Variants in YY1AP1 observed in about 807,000 individuals in gnomAD.
YY1AP1 encodes the protein YY1 associated protein 1, also known as YY1-associated protein 1.
Under a neutral mutation model 39.9 loss-of-function variants are expected in YY1AP1, and 43 were observed. The observed-to-expected ratio is 1.08, with a 90% CI of 0.84 to 1.39. YY1AP1 has a LOEUF of 1.39. YY1AP1 is among the 40% of genes most tolerant of loss of function. The pLI is 0.00. For synonymous variants in YY1AP1, 292 were observed against 331.3 expected (o/e 0.88, Z 1.29); for missense variants, 813 against 900.7 (o/e 0.90, Z 1.25).
At chr1:155,668,567 G>T in intron 9 of YY1AP1, 60 bp downstream of exon 9, 1 of 1,611,766 alleles carries the variant, frequency 6.2e-7, no homozygotes, top group Admixed American at 1.7e-5. Context: ...AGAATAACAA[G>T]AGAAAAGAAC....
intron 2 of YY1AP1, among the ~76,000 whole-genome samples, chr1:155,683,674 C>CA (rs199848137): frequency 0.014 from 2,113 of 151,432 alleles, 19 homozygotes; most frequent in Middle Eastern, 0.092. Context: ...CAAAACAAAA[C>CA]AAAAAAAACA....
At chr1:155,667,851 T>G (rs1231856058) in intron 9 of YY1AP1, among the ~76,000 whole-genome samples, 1 of 151,026 alleles carries the variant, frequency 6.6e-6, no homozygotes, top group African/African-American at 2.4e-5. Flanking sequence ...TAAAAAGAGT[T>G]GAGAAAAAGT....
Position 155,688,763 on chromosome 1 carries a change from C to T in YY1AP1, c.-256G>A, listed in dbSNP as rs1653161550. ...GCCGCCAAAGCAGCCGCCGCCAGCACCCCCACCCTACACTCCTCGCGCGTG... is the reference window on the plus strand; with the variant it reads ...GCCGCCAAAGCAGCCGCCGCCAGCATCCCCACCCTACACTCCTCGCGCGTG... On this transcript the variant is annotated 5_prime_UTR_variant, in exon 1 of 11. In the 5' UTR this introduces an upstream ATG that the reference lacks. Coordinates refer to ENST00000355499, the MANE Select transcript of YY1AP1 (RefSeq NM_139119.3). The T allele has an allele frequency of 6.5e-7, 1 of 1,527,182 alleles. No individual in the cohort carries two copies. The highest frequency in any genetic ancestry group is 8.8e-7 in the Non-Finnish European group (1 of 1,141,294). The allele number at this position is 1,527,182 out of a possible 1,614,324, so 94.6% of individuals were successfully genotyped here.
In YY1AP1 at chr1:155,670,326, T is replaced by A. The variant is rs762744525; in HGVS notation, c.722A>T (p.Glu241Val). ...PQDKILFTKA[E>V]DNLLALGLKH... ...CCCCAGAGTAAACACTTACTTGTCC[T>A]CAGCCTTGGTGAAGAGGATCTTATC... The change falls in exon 8 of 11, where the codon GAG becomes GTG. Residue 241 changes from glutamate to valine, a missense_variant. Transcript: ENST00000355499. The A allele has an allele frequency of 6.8e-6, 11 of 1,612,106 alleles. No homozygotes were observed.
chr1:155,675,856 TCA>T (rs1650575262), intron 5 of YY1AP1, among the ~76,000 whole-genome samples: 1 of 152,158 alleles, frequency 6.6e-6, no homozygotes. Context: ...CATAAATTTC[TCA>T]GACATGTTCC....
At chr1:155,662,983 C>T (rs1325406015) in intron 9 of YY1AP1, among the ~76,000 whole-genome samples, 1 of 151,214 alleles carries the variant, frequency 6.6e-6, no homozygotes, top group Non-Finnish European at 1.5e-5. Context: ...CCAGCCTGGG[C>T]AACAGAGCAA....
At chr1:155,688,980 AC>A, upstream of YY1AP1, 1 of 1,606,998 alleles carries the variant, frequency 6.2e-7, no homozygotes, top group South Asian at 1.1e-5. Flanking sequence ...CCTCCATGGG[AC>A]CGCGGCGAGG....
intron 2 of YY1AP1, among the ~76,000 whole-genome samples, chr1:155,683,906 ACAGGAGGATGGCTTGAGGC>A (rs1198536585): frequency 6.6e-6 from 1 of 152,108 alleles, no homozygotes; most frequent in African/African-American, 2.4e-5. Flanking sequence ...GGAGGCCAAG[ACAGGAGGATGGCTTGAGGC>A]CAGGAGTTCA....
rs1214961254 is a variant in YY1AP1, at chr1:155,660,808, C to A, written c.1102G>T (p.Glu368Ter). Residue 368 changes from glutamate (E) to a stop codon, truncating the protein, a stop_gained, in exon 11 of 11, where the codon GAA becomes TAA. Transcript: ENST00000355499. LOFTEE classifies it low-confidence loss of function (END_TRUNC). The stretch of plus-strand genomic sequence containing the variant: ...CTCCCCAACTCTGAGTTGTCTTTTT[C>A]TAGGCCTTGATCTGAGTTGATCTCA... ...TTEINSDQGL[E>*]KDNSELGSET... 1 of 1,614,230 alleles carries A rather than the reference C, an allele frequency of 6.2e-7. No individual in the cohort carries two copies. Among genetic ancestry groups the A allele is most frequent in the Non-Finnish European group, 8.5e-7 (1 of 1,180,032 alleles).
rs753122806 is a variant in YY1AP1 at position 155,660,957 on chromosome 1, T to G, written c.997-44A>C. ...CTCTGATCCAGCACATGTCAGAATT[T>G]GGGAAAAAGAATAGGACTTTCTAAG... is the stretch of plus-strand genomic sequence containing the variant. On this transcript the variant is annotated intron_variant, in intron 10 of 10. Coordinates refer to ENST00000355499, the MANE Select transcript of YY1AP1 (RefSeq NM_139119.3). The G allele has an allele frequency of 6.3e-5, 101 of 1,613,230 alleles. No individual in the cohort carries two copies. The Middle Eastern group carries it at 6.6e-4, about 11-fold the overall frequency.
intron 10 of YY1AP1, 146 bp from the exon 11 acceptor site, chr1:155,661,059 A>G: frequency 6.7e-7 from 1 of 1,487,684 alleles, no homozygotes; most frequent in Non-Finnish European, 9.1e-7. Flanking sequence ...ACCACAGTCC[A>G]ATTATACACT....
rs1438887284 is a variant in YY1AP1 at position 155,668,360 on chromosome 1, C to T, written c.879+267G>A. On this transcript the variant is annotated intron_variant, in intron 9 of 10. Transcript: ENST00000355499. ...CCCAAAGCATGTAAGTGGAATACTG[C>T]ATATCATTTCTAGAAAGTTCAAGAA... is the stretch of plus-strand genomic sequence containing the variant. 3.9e-5 allele frequency among the ~76,000 whole-genome samples: 6 copies of T among 152,202 alleles called. No individual in the cohort carries two copies. In the East Asian group the frequency reaches 9.6e-4, roughly 24 times the overall value.
intron 5 of YY1AP1, among the ~76,000 whole-genome samples, chr1:155,675,507 G>A (rs1340225762): frequency 6.6e-6 from 1 of 151,878 alleles, no homozygotes; most frequent in African/African-American, 2.4e-5. Context: ...TTTTGTTTTC[G>A]TAGAGACGGG....
intron 1 of YY1AP1, 161 bp downstream of exon 1, chr1:155,688,498 G>A: frequency 6.5e-7 from 1 of 1,548,756 alleles, no homozygotes; most frequent in Non-Finnish European, 8.7e-7. Flanking sequence ...GCGTACGAGT[G>A]TCTACGGGCT....
In YY1AP1 at chr1:155,659,769, G is replaced by A. The variant is rs372287277; in HGVS notation, c.2141C>T (p.Pro714Leu). The A allele has an allele frequency of 6.8e-6, 11 of 1,614,088 alleles. No individual in the cohort carries two copies. Among genetic ancestry groups the A allele is most frequent in the South Asian group, 4.4e-5 (4 of 91,084 alleles). ...AGACTCCTGGATGCCCTGAGGGAGC[G>A]GCTCCAGAGCTTGCCTTCCCTCCTC... The part of the protein sequence containing the change: ...KTEEGRQALE[P>L]LPQGIQESLN... Residue 714 changes from proline to leucine, a missense_variant, in exon 11 of 11, where the codon CCG becomes CTG. Physicochemically the swap from Pro to Leu is moderately conservative, Grantham distance 98. Coordinates refer to ENST00000355499, the MANE Select transcript of YY1AP1 (RefSeq NM_139119.3).
At chr1:155,668,558 G>C (rs1437833253) in intron 9 of YY1AP1, 69 bp downstream of exon 9, 3 of 1,609,510 alleles carry the variant, frequency 1.9e-6, no homozygotes, top group Non-Finnish European at 2.5e-6. Flanking sequence ...TTTTCTTTGA[G>C]AATAACAAGA....
chr1:155,670,640 T>G, intron 7 of YY1AP1, 176 bp from the exon 8 acceptor site: 2 of 602,304 alleles, frequency 3.3e-6, no homozygotes, highest in Non-Finnish European at 5.7e-6. Flanking sequence ...ACATTAGGTC[T>G]AAAGGGAGTC....
intron 10 of YY1AP1, 114 bp downstream of exon 10, chr1:155,661,193 C>T: frequency 1.2e-6 from 2 of 1,610,010 alleles, no homozygotes; most frequent in Non-Finnish European, 1.7e-6. Flanking sequence ...AGGAAGATTC[C>T]TGAAGTCCTA....
chr1:155,671,721 A>T (rs942770804), intron 7 of YY1AP1, among the ~76,000 whole-genome samples: 6 of 152,158 alleles, frequency 3.9e-5, no homozygotes, highest in Admixed American at 2.6e-4. Context: ...CCAGAAGAAA[A>T]ACACAGGACA....
Sources: gnomAD v4.1 joint callset for allele counts (sites outside exome capture counted in the v4.1 genomes callset) on GRCh38, gnomAD v4.1.1 for gene constraint, MANE v1.5 for transcripts, NCBI Gene and HGNC (gene_info 2026-07-23, HGNC 2026-07-21) for gene names.